The following DENND1A variants were observed in gnomAD, a reference collection of about 807,000 sequenced individuals.
The protein encoded by DENND1A is DENN domain-containing protein 1A.
Under a neutral mutation model 113.7 loss-of-function variants are expected in DENND1A, and 51 were observed. The observed-to-expected ratio is 0.45, with a 90% confidence interval of 0.36 to 0.57. The LOEUF (loss-of-function observed/expected upper bound fraction) is 0.57, where lower values mean the gene tolerates loss of function less well. Among genes scored for constraint, DENND1A ranks in the 20% least tolerant of loss-of-function variants. The probability of loss-of-function intolerance (pLI) is 0.00; values close to 1 mark genes in which losing one functional copy is unlikely to be tolerated. For missense variants in DENND1A, 1,258 were observed against 1,395.9 expected (o/e 0.90, Z 1.57); for synonymous variants, 565 against 570.8 (o/e 0.99, Z 0.14).
At chr9:123,602,119 G>A (rs1382117136) in intron 11 of DENND1A, among the ~76,000 whole-genome samples, 5 of 152,144 alleles carry the variant, frequency 3.3e-5, no homozygotes, top group Admixed American at 3.3e-4. Context: ...TTGGTTCCAG[G>A]GCCCCTGTGA....
At chr9:123,762,336 A>G (rs2071109897) in intron 4 of DENND1A, among the ~76,000 whole-genome samples, 1 of 152,206 alleles carries the variant, frequency 6.6e-6, no homozygotes, top group Non-Finnish European at 1.5e-5. Flanking sequence ...GAATATGAAA[A>G]ACAAGGGAGA....
intron 2 of DENND1A, among the ~76,000 whole-genome samples, chr9:123,830,352 G>T (rs1839986687): frequency 6.6e-6 from 1 of 152,072 alleles, no homozygotes; most frequent in Non-Finnish European, 1.5e-5. Context: ...TGGGGTAAAG[G>T]AATTGGAAAT....
intron 13 of DENND1A, among the ~76,000 whole-genome samples, chr9:123,475,999 T>C (rs1323417502): frequency 6.6e-6 from 1 of 152,016 alleles, no homozygotes; most frequent in Non-Finnish European, 1.5e-5. Flanking sequence ...GCCTGGCCAA[T>C]ATGGTGAAAC....
At position 123,674,331 on chromosome 9, in the gene DENND1A, CTG is replaced by C. The variant is rs1487760329; in HGVS notation, c.372+2387_372+2388del. Among the ~76,000 whole-genome samples the C allele has an allele frequency of 7.0e-3, 916 of 130,084 alleles. 10 individuals carry two copies. The highest frequency in any genetic ancestry group is 0.023 in the African/African-American group (823 of 35,104). The allele number at this position is 130,084 out of a possible 152,430, so 85.3% of individuals were successfully genotyped here. On this transcript the variant is annotated intron_variant, in intron 6 of 23. Coordinates refer to ENST00000394215, the MANE Select transcript of DENND1A (RefSeq NM_001352964.2). ...CATCACAATCTCTCTGTCTCTGTCT[CTG>C]TCTCTCTCTCACACACACACACACA...
intron 17 of DENND1A, among the ~76,000 whole-genome samples, chr9:123,451,956 G>A (rs2047748580): frequency 6.6e-6 from 1 of 152,002 alleles, no homozygotes; most frequent in Non-Finnish European, 1.5e-5. Context: ...CCAGCACTTT[G>A]GGAGGCCGAG....
rs530635944 is a variant in DENND1A at position 123,403,305 on chromosome 9, C to T, written c.1631+97G>A. On this transcript the variant is annotated intron_variant, in intron 21 of 23. Coordinates refer to ENST00000394215, the MANE Select transcript of DENND1A (RefSeq NM_001352964.2). The stretch of plus-strand genomic sequence containing the variant: ...ACACCCGCTGGGAGCCCCGGGGAAG[C>T]CTCACAAAGGCCGGGGCTACACGCT... 9 of 1,252,494 alleles carry T rather than the reference C, an allele frequency of 7.2e-6. No individual in the cohort carries two copies. The South Asian group carries it at 1.1e-4, about 16-fold the overall frequency. The allele number at this position is 1,252,494 out of a possible 1,614,324, so 77.6% of individuals were successfully genotyped here.
In DENND1A at chr9:123,390,487, G is replaced by A. The variant is rs745531869; in HGVS notation, c.1632-2629C>T. On this transcript the variant is annotated intron_variant, in intron 21 of 23. Coordinates refer to ENST00000394215, the MANE Select transcript of DENND1A (RefSeq NM_001352964.2). ...AAAATGATATCAACAAGCAGGTACC[G>A]TGCTTTATAGAGGCCACTTCTACCC... is the stretch of plus-strand genomic sequence containing the variant. 3.9e-5 allele frequency among the ~76,000 whole-genome samples: 6 copies of A among 152,164 alleles called. No homozygotes were observed. The South Asian group carries it at 6.2e-4, about 16-fold the overall frequency.
chr9:123,890,670 A>G (rs954199205), intron 1 of DENND1A, among the ~76,000 whole-genome samples: 4 of 152,200 alleles, frequency 2.6e-5, no homozygotes, highest in Non-Finnish European at 4.4e-5. Flanking sequence ...AAGAACTACT[A>G]TTACCATCAT....
intron 2 of DENND1A, among the ~76,000 whole-genome samples, chr9:123,831,839 C>T (rs922522998): frequency 4.6e-5 from 7 of 152,074 alleles, no homozygotes; most frequent in Non-Finnish European, 8.8e-5. Flanking sequence ...AAAAATGAGA[C>T]AGGCATGGTG....
chr9:123,908,737 T>C (rs949612608), intron 1 of DENND1A, among the ~76,000 whole-genome samples: 18 of 151,566 alleles, frequency 1.2e-4, no homozygotes, highest in Non-Finnish European at 2.5e-4. Flanking sequence ...GGAACACTTT[T>C]ACACTGTTGG....
chr9:123,628,172 T>C (rs1265089188), intron 10 of DENND1A, among the ~76,000 whole-genome samples: 1 of 151,744 alleles, frequency 6.6e-6, no homozygotes, highest in African/African-American at 2.4e-5. Flanking sequence ...GGCAAAACAG[T>C]GCAAATGTGA....
intron 9 of DENND1A, among the ~76,000 whole-genome samples, chr9:123,633,610 ACTAAAAATACAGAAAAATAG>A (rs947223930): frequency 1.1e-4 from 16 of 152,110 alleles, no homozygotes; most frequent in Non-Finnish European, 1.6e-4. Context: ...CCCCATCTCT[ACTAAAAATACAGAAAAATAG>A]CCAGGCATGG....
At chr9:123,540,971 C>T (rs558812762) in intron 13 of DENND1A, among the ~76,000 whole-genome samples, 5 of 152,334 alleles carry the variant, frequency 3.3e-5, no homozygotes, top group Admixed American at 6.5e-5. Flanking sequence ...GCACCTACCT[C>T]ACCTCACCCA....
At chr9:123,769,745 CA>C (rs1220006360) in intron 3 of DENND1A, among the ~76,000 whole-genome samples, 182 bp from the exon 4 acceptor site, 6 of 152,226 alleles carry the variant, frequency 3.9e-5, no homozygotes, top group Admixed American at 2.6e-4. Flanking sequence ...TAAACATGAT[CA>C]AACTTCATTA....
At chr9:123,793,404 C>T (rs1319432352) in intron 2 of DENND1A, among the ~76,000 whole-genome samples, 1 of 152,134 alleles carries the variant, frequency 6.6e-6, no homozygotes, top group African/African-American at 2.4e-5. Context: ...AAATTAAAAG[C>T]TATTAGCATT....
chr9:123,401,455 A>C, intron 21 of DENND1A: 1 of 1,103,598 alleles, frequency 9.1e-7, no homozygotes, highest in Non-Finnish European at 1.1e-6. Flanking sequence ...ACAAACGTGA[A>C]CAGAAACCCT....
At chr9:123,629,954 A>C (rs2061403185) in intron 10 of DENND1A, among the ~76,000 whole-genome samples, 1 of 152,182 alleles carries the variant, frequency 6.6e-6, no homozygotes, top group Non-Finnish European at 1.5e-5. Flanking sequence ...TGTACTCTTC[A>C]GAGTGTCATG....
intron 5 of DENND1A, among the ~76,000 whole-genome samples, chr9:123,725,582 C>T (rs754430127): frequency 6.6e-6 from 1 of 152,210 alleles, no homozygotes; most frequent in Non-Finnish European, 1.5e-5. Context: ...CAGTTAACCA[C>T]GAGCAGAACT....
chr9:123,507,676 C>T (rs2053078486), intron 13 of DENND1A, among the ~76,000 whole-genome samples: 1 of 149,700 alleles, frequency 6.7e-6, no homozygotes, highest in African/African-American at 2.5e-5. Flanking sequence ...TAGCGGGACC[C>T]TCATCTCTTA....
Sources: allele counts gnomAD v4.1 joint callset (sites outside exome capture counted in the v4.1 genomes callset), GRCh38; gene constraint gnomAD v4.1.1; transcripts MANE v1.5; gene names NCBI Gene and HGNC (gene_info 2026-07-23, HGNC 2026-07-21).